The following MSRB3 variants were observed in gnomAD, a reference collection of about 807,000 sequenced individuals.
MSRB3 encodes methionine sulfoxide reductase B3.
In MSRB3, 13 loss-of-function variants were observed where a neutral mutation model predicts 21.0. The observed-to-expected ratio is 0.62, with a 90% CI of 0.40 to 0.98. The LOEUF (loss-of-function observed/expected upper bound fraction) is 0.98. Ranked by LOEUF, MSRB3 falls within the 50% of genes least tolerant of loss-of-function variation. The pLI, the probability that MSRB3 is intolerant of heterozygous loss-of-function variation, is 0.00. For missense variants in MSRB3, 199 were observed against 230.3 expected, an observed-to-expected ratio of 0.86 and a Z score of 0.88; for synonymous variants, 87 against 88.6, an observed-to-expected ratio of 0.98 and a Z score of 0.10.
intron 4 of MSRB3, among the ~76,000 whole-genome samples, chr12:65,368,154 A>G (rs1431857288): frequency 6.6e-6 from 1 of 152,000 alleles, no homozygotes; most frequent in Non-Finnish European, 1.5e-5. Context: ...AGTTAACTAC[A>G]TTTCTCCAGG....
At chr12:65,288,958 G>T (rs1872538149) in intron 1 of MSRB3, among the ~76,000 whole-genome samples, 1 of 152,102 alleles carries the variant, frequency 6.6e-6, no homozygotes, top group African/African-American at 2.4e-5. Flanking sequence ...AGAATATATA[G>T]TGTCTATATA....
At chr12:65,336,965 TGGGCGCGGTG>T (rs1397268079) in intron 4 of MSRB3, among the ~76,000 whole-genome samples, 1 of 152,194 alleles carries the variant, frequency 6.6e-6, no homozygotes, top group African/African-American at 2.4e-5. Flanking sequence ...TAGCAGAGGC[TGGGCGCGGTG>T]GCTCACGCCT....
intron 5 of MSRB3, among the ~76,000 whole-genome samples, chr12:65,380,124 G>A (rs923241546): frequency 1.3e-5 from 2 of 152,170 alleles, no homozygotes; most frequent in African/African-American, 2.4e-5. Flanking sequence ...GCAGTTGCAC[G>A]GTGGAGGTAG....
chr12:65,351,647 C>A (rs1877003698), intron 4 of MSRB3, among the ~76,000 whole-genome samples: 1 of 148,660 alleles, frequency 6.7e-6, no homozygotes, highest in Non-Finnish European at 1.5e-5. Context: ...ACTGATCCCA[C>A]AGAAATACAA....
At chr12:65,383,535 G>A (rs1879049827) in intron 5 of MSRB3, among the ~76,000 whole-genome samples, 1 of 151,948 alleles carries the variant, frequency 6.6e-6, no homozygotes, top group African/African-American at 2.4e-5. Flanking sequence ...TGATTCAACA[G>A]CTATTTACTG....
At chr12:65,339,402 A>G (rs1463461351) in intron 4 of MSRB3, among the ~76,000 whole-genome samples, 1 of 152,250 alleles carries the variant, frequency 6.6e-6, no homozygotes, top group African/African-American at 2.4e-5. Context: ...ACAGAATGGT[A>G]AATCTAGCTC....
chr12:65,403,901 C>T (rs924746447), intron 5 of MSRB3, among the ~76,000 whole-genome samples: 9 of 152,188 alleles, frequency 5.9e-5, no homozygotes, highest in Non-Finnish European at 1.3e-4. Flanking sequence ...AGTGACACCC[C>T]ACCCTGCTTC....
rs1013602305 is a variant in MSRB3, at chr12:65,320,985, A to G, written c.77-5841A>G. ...TGTTCGGAAAGCTCTTCCTTCAGAG[A>G]TCAGCACAGACACCTTCCTCTCCTC... On this transcript the variant is annotated intron_variant, in intron 2 of 6. Transcript: ENST00000308259. Among the ~76,000 whole-genome samples the G allele has an allele frequency of 2.3e-4, 35 of 152,232 alleles. No homozygotes were observed. In the South Asian group the frequency reaches 5.0e-3, roughly 22 times the overall value.
At chr12:65,356,861 A>G (rs12322675) in intron 4 of MSRB3, among the ~76,000 whole-genome samples, 13,955 of 151,932 alleles carry the variant, frequency 0.092, 2,199 homozygotes, top group African/African-American at 0.32. Flanking sequence ...CCCCAAGTTA[A>G]GTCAAGAAAC....
intron 4 of MSRB3, among the ~76,000 whole-genome samples, chr12:65,347,975 G>T (rs1876642364): frequency 6.6e-6 from 1 of 152,270 alleles, no homozygotes; most frequent in Middle Eastern, 3.4e-3. Flanking sequence ...TGTGCTGCTG[G>T]ATTCGATTTG....
chr12:65,374,458 A>T (rs953143822), intron 5 of MSRB3, among the ~76,000 whole-genome samples: 15 of 152,236 alleles, frequency 9.9e-5, no homozygotes, highest in Non-Finnish European at 1.8e-4. Flanking sequence ...ACATGAACTT[A>T]CCTGCATACT....
At chr12:65,353,631 G>A (rs1877186976) in intron 4 of MSRB3, among the ~76,000 whole-genome samples, 1 of 152,060 alleles carries the variant, frequency 6.6e-6, no homozygotes, top group Admixed American at 6.6e-5. Flanking sequence ...CTGCATGTGA[G>A]ATGGGTTTCC....
chr12:65,399,557 A>G (rs1880004250), intron 5 of MSRB3, among the ~76,000 whole-genome samples: 1 of 152,204 alleles, frequency 6.6e-6, no homozygotes, highest in African/African-American at 2.4e-5. Flanking sequence ...AACAGAGACA[A>G]TTTGACTTTC....
chr12:65,299,031 G>A (rs1873154060), intron 1 of MSRB3, among the ~76,000 whole-genome samples: 1 of 151,848 alleles, frequency 6.6e-6, no homozygotes, highest in Admixed American at 6.6e-5. Flanking sequence ...CATGGCTCTT[G>A]GTACAGGGGA....
rs58268315 is a variant in MSRB3 at position 65,292,962 on chromosome 12, C to T, written c.-52+14097C>T. On this transcript the variant is annotated intron_variant, in intron 1 of 6. Transcript: ENST00000308259. ...TGGAATAAATAAGATTGTCTAAGAA[C>T]GTGTACTAAATGAGAAAAGTAAAAA... 9.9e-3 allele frequency among the ~76,000 whole-genome samples: 1,509 copies of T among 152,058 alleles called. 27 individuals carry two copies. The highest frequency in any genetic ancestry group is 0.035 in the African/African-American group (1,447 of 41,490).
Position 65,465,301 on chromosome 12 carries a change from A to C in MSRB3, c.*1979A>C, listed in dbSNP as rs1318140291. 6.6e-6 allele frequency: 1 copy of C among 152,222 alleles called. No homozygotes were observed. The highest frequency in any genetic ancestry group is 1.5e-5 in the Non-Finnish European group (1 of 68,038). The allele number at this position is 152,222 out of a possible 1,614,324, so 9.4% of individuals were successfully genotyped here. On this transcript the variant is annotated 3_prime_UTR_variant, in exon 7 of 7. Transcript: ENST00000308259. ...TGCTGTAGCCAGGTGTGAAGGTTGTATGGTGTGTGACGAATGTACATCATG... is the reference window on the plus strand; with the variant it reads ...TGCTGTAGCCAGGTGTGAAGGTTGTCTGGTGTGTGACGAATGTACATCATG...
intron 5 of MSRB3, among the ~76,000 whole-genome samples, chr12:65,375,938 T>TC (rs1878590046): frequency 1.3e-5 from 2 of 151,680 alleles, no homozygotes; most frequent in African/African-American, 4.8e-5. Flanking sequence ...AAGTTTTTTT[T>TC]TTGGCCTCCC....
intron 4 of MSRB3, among the ~76,000 whole-genome samples, chr12:65,353,384 ACTTG>A (rs1877162205): frequency 6.6e-6 from 1 of 152,062 alleles, no homozygotes; most frequent in African/African-American, 2.4e-5. Flanking sequence ...GTCTCTAAAG[ACTTG>A]CTTTATGAAT....
chr12:65,314,424 T>C lies in MSRB3; in HGVS notation c.76+5769T>C, dbSNP rs1353512905. Reference sequence around the variant, plus strand: ...ACTAAGAAAAATTATATTTAAAATGTTGATTAAATGAGTACTCTGATGCAG... The same window carrying C: ...ACTAAGAAAAATTATATTTAAAATGCTGATTAAATGAGTACTCTGATGCAG... On this transcript the variant is annotated intron_variant, in intron 2 of 6. Coordinates refer to ENST00000308259, the MANE Select transcript of MSRB3 (RefSeq NM_001031679.3). Among the ~76,000 whole-genome samples the C allele has an allele frequency of 2.0e-5, 3 of 152,126 alleles. No individual in the cohort carries two copies. The East Asian group carries it at 5.8e-4, about 29-fold the overall frequency.
Sources: gnomAD v4.1 joint callset for allele counts (sites outside exome capture counted in the v4.1 genomes callset) on GRCh38, gnomAD v4.1.1 for gene constraint, MANE v1.5 for transcripts, NCBI Gene and HGNC (gene_info 2026-07-23, HGNC 2026-07-21) for gene names.